Variants in IL34 observed in about 807,000 individuals in gnomAD.
IL34 encodes the protein interleukin 34.
In IL34, 17 loss-of-function variants were observed where a neutral mutation model predicts 25.3. The observed-to-expected ratio is 0.67, with a 90% CI of 0.46 to 1.01. IL34 has a LOEUF of 1.01. Ranked by LOEUF, IL34 falls within the 50% of genes least tolerant of loss-of-function variation. The pLI is 0.00. For synonymous variants in IL34, 174 were observed against 140.9 expected (o/e 1.23, Z -1.66); for missense variants, 368 against 312.9 (o/e 1.18, Z -1.33).
At chr16:70,648,178 A>C (rs1466329836) in intron 1 of IL34, among the ~76,000 whole-genome samples, 1 of 152,182 alleles carries the variant, frequency 6.6e-6, no homozygotes, top group Admixed American at 6.5e-5. Flanking sequence ...CTTGAAGATC[A>C]GTCTGGTGGT....
At chr16:70,658,951 G>A (rs2151886850) in intron 4 of IL34, among the ~76,000 whole-genome samples, 1 of 152,308 alleles carries the variant, frequency 6.6e-6, no homozygotes, top group South Asian at 2.1e-4. Context: ...CGGGTACCAA[G>A]GGGTAGGACC....
intron 1 of IL34, among the ~76,000 whole-genome samples, chr16:70,649,881 C>T (rs532801485): frequency 3.3e-5 from 5 of 152,304 alleles, no homozygotes; most frequent in Non-Finnish European, 7.4e-5. Flanking sequence ...TCACTGCATC[C>T]TCTGCCTCTT....
At chr16:70,607,855 C>T (rs770682983) in intron 1 of IL34, among the ~76,000 whole-genome samples, 1 of 151,738 alleles carries the variant, frequency 6.6e-6, no homozygotes, top group Non-Finnish European at 1.5e-5. Context: ...ACCTCTGCCT[C>T]CTGGGTTCAA....
At chr16:70,632,574 T>A (rs1473092620) in intron 1 of IL34, among the ~76,000 whole-genome samples, 1 of 152,080 alleles carries the variant, frequency 6.6e-6, no homozygotes, top group African/African-American at 2.4e-5. Context: ...AGGAAGGGAG[T>A]GCTCTTATAA....
chr16:70,615,185 G>T (rs1457799056), intron 1 of IL34, among the ~76,000 whole-genome samples: 1 of 152,118 alleles, frequency 6.6e-6, no homozygotes, highest in African/African-American at 2.4e-5. Context: ...TCGAATTCTA[G>T]ACTTATTTGG....
Position 70,612,229 on chromosome 16 carries a change from G to A in IL34, c.-401+32180G>A, listed in dbSNP as rs572021246. Among the ~76,000 whole-genome samples, 118 of 151,212 alleles carry A rather than the reference G, an allele frequency of 7.8e-4. 2 individuals carry two copies. Among genetic ancestry groups the A allele is most frequent in the Non-Finnish European group, 9.9e-4 (67 of 67,854 alleles). On this transcript the variant is annotated intron_variant, in intron 1 of 6. Transcript: ENST00000429149. ...GGGGCTTTTCCTTCCAGCTTTAAGA[G>A]TCTCTAAAGCTGTGTGATTTCCTCA...
At position 70,660,120 on chromosome 16, in the gene IL34, G is replaced by C; in HGVS notation, c.662G>C (p.Ser221Thr). The C allele has an allele frequency of 6.2e-7, 1 of 1,612,956 alleles. No homozygotes were observed. Among genetic ancestry groups the C allele is most frequent in the Non-Finnish European group, 8.5e-7 (1 of 1,179,694 alleles). Residue 221 changes from serine to threonine, a missense_variant, in exon 6 of 6, where the codon AGC becomes ACC. Ser to Thr is a moderately conservative substitution (Grantham distance 58). Transcript: ENST00000288098. ...QLYPPPPWSP[S>T]SPPHSTGSVR... The stretch of plus-strand genomic sequence containing the variant: ...TACCCTCCGCCCCCGTGGTCCCCCA[G>C]CTCCCCGCCTCACTCCACGGGCTCG...
chr16:70,628,734 G>C (rs929233148), intron 1 of IL34, among the ~76,000 whole-genome samples: 3 of 148,594 alleles, frequency 2.0e-5, no homozygotes, highest in Admixed American at 6.7e-5. Flanking sequence ...TGATCCACCC[G>C]CCTTGGCCTC....
intron 1 of IL34, among the ~76,000 whole-genome samples, chr16:70,601,631 C>G (rs1489835808): frequency 6.6e-6 from 1 of 152,202 alleles, no homozygotes; most frequent in East Asian, 1.9e-4. Flanking sequence ...AACTCCTGAC[C>G]TCAAGTGATT....
chr16:70,612,848 C>T (rs2051110964), intron 1 of IL34, among the ~76,000 whole-genome samples: 3 of 152,168 alleles, frequency 2.0e-5, no homozygotes, highest in African/African-American at 7.2e-5. Context: ...TCCAGTGGTA[C>T]AATCTCAACT....
chr16:70,615,464 G>T (rs930894447), intron 1 of IL34, among the ~76,000 whole-genome samples: 2 of 151,850 alleles, frequency 1.3e-5, no homozygotes, highest in African/African-American at 4.8e-5. Flanking sequence ...CCGAGATTGC[G>T]CCACTGCACT....
chr16:70,611,766 C>G (rs1032456149), intron 1 of IL34, among the ~76,000 whole-genome samples: 2 of 152,142 alleles, frequency 1.3e-5, no homozygotes, highest in Non-Finnish European at 2.9e-5. Flanking sequence ...ATCGCTGGAA[C>G]CCAAGAGGCA....
At chr16:70,617,982 G>A (rs564871826) in intron 1 of IL34, among the ~76,000 whole-genome samples, 1 of 152,296 alleles carries the variant, frequency 6.6e-6, no homozygotes, top group Non-Finnish European at 1.5e-5. Flanking sequence ...GGCATGTTGA[G>A]TAAAGCTAAT....
intron 1 of IL34, among the ~76,000 whole-genome samples, chr16:70,628,342 T>C (rs973225004): frequency 6.6e-6 from 1 of 152,178 alleles, no homozygotes; most frequent in Non-Finnish European, 1.5e-5. Context: ...TCTGTGTCCT[T>C]TAGCATTGTT....
intron 1 of IL34, among the ~76,000 whole-genome samples, chr16:70,581,062 C>T (rs1252515599): frequency 6.6e-6 from 1 of 151,902 alleles, no homozygotes; most frequent in Non-Finnish European, 1.5e-5. Flanking sequence ...CAGGCACCCG[C>T]TACCACACCT....
intron 1 of IL34, among the ~76,000 whole-genome samples, chr16:70,649,361 T>G (rs761737141): frequency 4.3e-4 from 66 of 152,308 alleles, no homozygotes; most frequent in African/African-American, 1.0e-3. Flanking sequence ...GGGTAGTAAC[T>G]TTTGGGACAT....
chr16:70,642,934 G>A (rs988299851), upstream of IL34, among the ~76,000 whole-genome samples: 36 of 152,184 alleles, frequency 2.4e-4, 1 homozygote, highest in Non-Finnish European at 5.1e-4. Flanking sequence ...GGAATAGGGG[G>A]TGACTGCTAA....
At chr16:70,581,954 CTT>C (rs1418520840) in intron 1 of IL34, among the ~76,000 whole-genome samples, 2 of 152,100 alleles carry the variant, frequency 1.3e-5, no homozygotes, top group African/African-American at 2.4e-5. Flanking sequence ...CAAACAAAAA[CTT>C]TTTAGGGATG....
chr16:70,659,611 T>C lies in IL34; in HGVS notation c.403-7T>C. 6.2e-7 allele frequency: 1 copy of C among 1,602,868 alleles called. No homozygotes were observed. Among genetic ancestry groups the C allele is most frequent in the Non-Finnish European group, 8.5e-7 (1 of 1,171,874 alleles). On this transcript the variant is annotated splice_polypyrimidine_tract_variant and splice_region_variant and intron_variant, in intron 4 of 5. Transcript: ENST00000288098. ...GCCACCGCTCCTGACTGTTTCCTCC[T>C]TTCCAGGATGTGGAGGTCAGCCCCA... is the stretch of plus-strand genomic sequence containing the variant.
Sources: allele counts gnomAD v4.1 joint callset (sites outside exome capture counted in the v4.1 genomes callset), GRCh38; gene constraint gnomAD v4.1.1; transcripts MANE v1.5; gene names NCBI Gene and HGNC (gene_info 2026-07-23, HGNC 2026-07-21).